Variants in LINGO2 observed in about 807,000 individuals in gnomAD.
LINGO2 encodes the protein leucine-rich repeat and immunoglobulin-like domain-containing nogo receptor-interacting protein 2.
LINGO2 carries 14 observed loss-of-function variants against 30.6 expected under a neutral mutation model. The ratio of observed to expected loss-of-function variants is 0.46; its 90% CI spans 0.30 to 0.72. The LOEUF (loss-of-function observed/expected upper bound fraction) is 0.72. Among genes scored for constraint, LINGO2 ranks in the 30% least tolerant of loss-of-function variants. The probability of loss-of-function intolerance (pLI) is 0.07; values close to 1 mark genes in which losing one functional copy is unlikely to be tolerated. For synonymous variants in LINGO2, 317 were observed against 288.5 expected, an observed-to-expected ratio of 1.10 and a Z score of -1.00; for missense variants, 729 against 751.7, an observed-to-expected ratio of 0.97 and a Z score of 0.35.
intron 4 of LINGO2, among the ~76,000 whole-genome samples, chr9:28,074,556 C>A (rs1258556989): frequency 6.6e-6 from 1 of 152,086 alleles, no homozygotes; most frequent in East Asian, 1.9e-4. Flanking sequence ...AGAGGGTGTT[C>A]AAGTCATATA....
rs141586006 is a variant in LINGO2 at position 28,117,781 on chromosome 9, C to G, written c.-86-105376G>C. Among the ~76,000 whole-genome samples, 262 of 150,222 alleles carry G rather than the reference C, an allele frequency of 1.7e-3. 3 individuals carry two copies. The South Asian group carries it at 0.038, about 22-fold the overall frequency. ...GCCCTGCTTCGGCTCGCGGACGGTG[C>G]GCACACACACTGGCCTGCGCCCACT... On this transcript the variant is annotated intron_variant, in intron 4 of 5. Coordinates refer to ENST00000379992, the Ensembl canonical transcript of LINGO2.
chr9:28,068,524 G>T (rs1825379985), intron 4 of LINGO2, among the ~76,000 whole-genome samples: 2 of 152,076 alleles, frequency 1.3e-5, no homozygotes, highest in Admixed American at 1.3e-4. Flanking sequence ...AATTTTGGGA[G>T]ACACCAACAT....
chr9:28,483,980 T>C (rs901474898), intron 1 of LINGO2, among the ~76,000 whole-genome samples: 1 of 152,048 alleles, frequency 6.6e-6, no homozygotes, highest in African/African-American at 2.4e-5. Flanking sequence ...GTAACTTAAG[T>C]AGAGAGAAAG....
the LINGO2 span, among the ~76,000 whole-genome samples, chr9:28,735,931 T>C: frequency 6.6e-6 from 1 of 152,310 alleles, no homozygotes; most frequent in South Asian, 2.1e-4. Context: ...AAAGGTGTTA[T>C]TTTTGTTATC....
At chr9:28,969,403 G>C in the LINGO2 span, among the ~76,000 whole-genome samples, 564 of 152,288 alleles carry the variant, frequency 3.7e-3, 3 homozygotes, top group African/African-American at 0.013. Context: ...CTGAAGCAGG[G>C]CTAGGAAAAT....
At chr9:28,359,846 A>G (rs1404488139) in intron 3 of LINGO2, among the ~76,000 whole-genome samples, 1 of 152,156 alleles carries the variant, frequency 6.6e-6, no homozygotes. Context: ...AACATATTAC[A>G]TATGATGGTG....
intron 2 of LINGO2, among the ~76,000 whole-genome samples, chr9:28,437,488 A>C (rs1238172573): frequency 6.6e-6 from 1 of 151,806 alleles, no homozygotes; most frequent in African/African-American, 2.4e-5. Flanking sequence ...CTCCAAAATC[A>C]CATGAGCCAA....
chr9:28,638,775 T>G (rs1827419122), intron 1 of LINGO2, among the ~76,000 whole-genome samples: 1 of 152,188 alleles, frequency 6.6e-6, no homozygotes, highest in Non-Finnish European at 1.5e-5. Flanking sequence ...AACCAGCTCC[T>G]GGATTCATTG....
intron 1 of LINGO2, among the ~76,000 whole-genome samples, chr9:28,517,914 G>A (rs1022832248): frequency 6.6e-5 from 10 of 152,142 alleles, no homozygotes; most frequent in Non-Finnish European, 4.4e-5. Flanking sequence ...TGCTTCAGGG[G>A]CGGAATTTTT....
At chr9:28,735,293 T>G in the LINGO2 span, among the ~76,000 whole-genome samples, 3 of 152,172 alleles carry the variant, frequency 2.0e-5, no homozygotes, top group South Asian at 6.2e-4. Context: ...ACATAGCCAT[T>G]TATTTAATTT....
At chr9:28,159,368 T>C (rs1828223468) in intron 4 of LINGO2, among the ~76,000 whole-genome samples, 1 of 152,168 alleles carries the variant, frequency 6.6e-6, no homozygotes, top group African/African-American at 2.4e-5. Flanking sequence ...GTTTCAAATT[T>C]TAATTAGCAC....
At chr9:28,160,700 T>C (rs554396935) in intron 4 of LINGO2, among the ~76,000 whole-genome samples, 5 of 152,350 alleles carry the variant, frequency 3.3e-5, no homozygotes, top group African/African-American at 4.8e-5. Context: ...AGTAATTTTT[T>C]CCCTATTTTT....
At chr9:28,785,999 C>G in the LINGO2 span, among the ~76,000 whole-genome samples, 1 of 152,172 alleles carries the variant, frequency 6.6e-6, no homozygotes, top group Non-Finnish European at 1.5e-5. Context: ...AAATAGCCCA[C>G]TTTTATTTCT....
chr9:28,504,362 C>T lies in LINGO2; in HGVS notation c.-364-28337G>A, dbSNP rs529356651. Among the ~76,000 whole-genome samples the T allele has an allele frequency of 3.9e-4, 59 of 151,874 alleles. 1 individual carries two copies. Among genetic ancestry groups the T allele is most frequent in the African/African-American group, 1.3e-3 (56 of 41,504 alleles). ...TATATTAAAAATATAGTAACATAAG[C>T]AGCAAAATTCAACTTGTCATGGTAT... On this transcript the variant is annotated intron_variant, in intron 1 of 5. Transcript: ENST00000379992.
chr9:28,436,601 G>A lies in LINGO2; in HGVS notation c.-279+39339C>T, dbSNP rs1375138728. Among the ~76,000 whole-genome samples, 5 of 152,002 alleles carry A rather than the reference G, an allele frequency of 3.3e-5. No individual in the cohort carries two copies. In the East Asian group the frequency reaches 5.8e-4, roughly 18 times the overall value. On this transcript the variant is annotated intron_variant, in intron 2 of 5. Transcript: ENST00000379992. Reference sequence around the variant, plus strand: ...GCCTCCAGATTAGCTGGTACTACAGGTGCCCGCCACCACGACCGGCTAATT... The same window carrying A: ...GCCTCCAGATTAGCTGGTACTACAGATGCCCGCCACCACGACCGGCTAATT...
the LINGO2 span, among the ~76,000 whole-genome samples, chr9:28,774,077 CACACACTT>C: frequency 1.0e-4 from 15 of 144,904 alleles, no homozygotes; most frequent in Non-Finnish European, 6.0e-5. Flanking sequence ...CACACACACA[CACACACTT>C]ACTTTAGCAT....
intron 2 of LINGO2, among the ~76,000 whole-genome samples, chr9:28,475,570 A>G (rs1423878784): frequency 2.0e-5 from 3 of 152,210 alleles, no homozygotes; most frequent in Admixed American, 6.5e-5. Context: ...TATTAGTCTT[A>G]TATCTTTAAG....
the LINGO2 span, among the ~76,000 whole-genome samples, chr9:28,860,424 G>C: frequency 6.6e-6 from 1 of 151,872 alleles, no homozygotes; most frequent in African/African-American, 2.4e-5. Flanking sequence ...AAATAATTTT[G>C]CCAGAAGATT....
chr9:28,323,031 A>T lies in LINGO2; in HGVS notation c.-245-27665T>A, dbSNP rs75426698. 1.9e-3 allele frequency among the ~76,000 whole-genome samples: 284 copies of T among 152,278 alleles called. 1 individual carries two copies. Among genetic ancestry groups the T allele is most frequent in the African/African-American group, 6.5e-3 (271 of 41,572 alleles). ...TTTATTCTAATTGTGCCCAGAAGGG[A>T]GTTAACCTGGAATCACATGTTTAGA... On this transcript the variant is annotated intron_variant, in intron 3 of 5. Transcript: ENST00000379992.
Sources: gnomAD v4.1 joint callset for allele counts (sites outside exome capture counted in the v4.1 genomes callset) on GRCh38, gnomAD v4.1.1 for gene constraint, MANE v1.5 for transcripts, NCBI Gene and HGNC (gene_info 2026-07-23, HGNC 2026-07-21) for gene names.